Variants in SUN3 observed in about 807,000 individuals in gnomAD.
The protein encoded by SUN3 is SUN domain-containing protein 3.
SUN3 carries 36 observed loss-of-function variants against 48.2 expected under a neutral mutation model. The ratio of observed to expected loss-of-function variants is 0.75; its 90% CI spans 0.57 to 0.99. SUN3 has a LOEUF of 0.99. SUN3 is among the 50% of genes least tolerant of loss of function. SUN3 has a pLI of 0.00. For missense variants in SUN3, 419 were observed against 433.1 expected, an observed-to-expected ratio of 0.97 and a Z score of 0.29; for synonymous variants, 148 against 147.9, an observed-to-expected ratio of 1.00 and a Z score of 0.00.
At chr7:48,030,186 T>C (rs1790236408), upstream of SUN3, among the ~76,000 whole-genome samples, 1 of 152,200 alleles carries the variant, frequency 6.6e-6, no homozygotes, top group Admixed American at 6.5e-5. Flanking sequence ...TGCTTTTTTC[T>C]CTTTTTACTT....
chr7:48,030,393 T>C (rs917986327), upstream of SUN3, among the ~76,000 whole-genome samples: 5 of 152,236 alleles, frequency 3.3e-5, no homozygotes, highest in Admixed American at 3.3e-4. Context: ...GGTTCCCCTC[T>C]CTTTTAGCAT....
chr7:47,996,120 A>G lies in SUN3; in HGVS notation c.604T>C (p.Ser202Pro). The change falls in exon 7 of 10, where the codon TCA (serine) becomes CCA (proline). Residue 202 changes from serine (S) to proline (P), a missense_variant. Transcript: ENST00000297325. ...AGASIIEAGT[S>P]ESYKNNKAKL... ...GCTTTATTATTTTTATAACTTTCTG[A>G]GGTCCCAGCTTCAATGATGGAGGCT... The G allele has an allele frequency of 6.3e-7, 1 of 1,591,754 alleles. No homozygotes were observed.
the SUN3 span, among the ~76,000 whole-genome samples, chr7:48,034,288 T>G: frequency 1.3e-5 from 2 of 152,100 alleles, no homozygotes; most frequent in African/African-American, 2.4e-5. Flanking sequence ...AACCACAGAA[T>G]TAGAGTTAAT....
At chr7:48,019,048 C>A (rs1789894092) in intron 2 of SUN3, among the ~76,000 whole-genome samples, 1 of 152,026 alleles carries the variant, frequency 6.6e-6, no homozygotes, top group South Asian at 2.1e-4. Context: ...GAAGAACTTA[C>A]TAGAAGGGCT....
chr7:48,010,686 A>G (rs1562607810), intron 3 of SUN3, among the ~76,000 whole-genome samples: 1 of 152,164 alleles, frequency 6.6e-6, no homozygotes, highest in Non-Finnish European at 1.5e-5. Flanking sequence ...TCTGCCTTTA[A>G]GGATCACTTT....
intron 8 of SUN3, among the ~76,000 whole-genome samples, chr7:47,993,237 A>C (rs1415095882): frequency 6.6e-6 from 1 of 152,176 alleles, no homozygotes; most frequent in Non-Finnish European, 1.5e-5. Context: ...AAGATAATAC[A>C]GTCTTCTAGC....
chr7:48,020,821 G>A (rs540009852), intron 2 of SUN3, among the ~76,000 whole-genome samples: 1 of 152,196 alleles, frequency 6.6e-6, no homozygotes, highest in Admixed American at 6.5e-5. Flanking sequence ...TCATGAATTA[G>A]AAGATCAATA....
chr7:47,990,359 A>C (rs1311619155), intron 8 of SUN3, among the ~76,000 whole-genome samples: 1 of 147,020 alleles, frequency 6.8e-6, no homozygotes, highest in East Asian at 2.0e-4. Flanking sequence ...CTTATGATGC[A>C]GAGACATTTG....
chr7:48,028,705 T>G, intron 1 of SUN3, 112 bp downstream of exon 1: 1 of 1,400,900 alleles, frequency 7.1e-7, no homozygotes. Context: ...ATTTTCTCTA[T>G]AAAGGGAGAA....
chr7:48,033,984 G>A (rs1173841717), upstream of SUN3, among the ~76,000 whole-genome samples: 2 of 152,178 alleles, frequency 1.3e-5, no homozygotes, highest in Non-Finnish European at 2.9e-5. Flanking sequence ...AACCCAGGAG[G>A]TGGAGGTGGC....
intron 6 of SUN3, among the ~76,000 whole-genome samples, chr7:48,001,690 C>T (rs1293577673): frequency 5.3e-5 from 8 of 152,054 alleles, no homozygotes; most frequent in Admixed American, 1.3e-4. Context: ...CCCGCCACCA[C>T]GCCCAGCTAA....
In SUN3 at chr7:48,025,858, A is replaced by G. The variant is rs1242172686; in HGVS notation, c.184+19T>C. The G allele has an allele frequency of 1.9e-6, 3 of 1,542,138 alleles. No individual in the cohort carries two copies. Among genetic ancestry groups the G allele is most frequent in the Non-Finnish European group, 2.7e-6 (3 of 1,118,590 alleles). Reference sequence around the variant, plus strand: ...AACCTGTGGAATGGTTTTAAGGATCATTACTTAGGAAGACTTACCTACAAG... The same window carrying G: ...AACCTGTGGAATGGTTTTAAGGATCGTTACTTAGGAAGACTTACCTACAAG... On this transcript the variant is annotated intron_variant, in intron 2 of 9. Coordinates refer to ENST00000297325, the MANE Select transcript of SUN3 (RefSeq NM_001030019.2).
chr7:48,002,323 T>C (rs940915080), intron 6 of SUN3, among the ~76,000 whole-genome samples: 1 of 144,262 alleles, frequency 6.9e-6, no homozygotes, highest in Non-Finnish European at 1.5e-5. Context: ...CACGCCCGGC[T>C]AATTTTTTGT....
the SUN3 span, among the ~76,000 whole-genome samples, chr7:48,034,131 A>C: frequency 6.6e-6 from 1 of 152,212 alleles, no homozygotes; most frequent in Admixed American, 6.5e-5. Context: ...GCACAAACAA[A>C]AGCATTTGTC....
chr7:47,987,475 T>C (rs376023565), intron 9 of SUN3, 26 bp from the exon 10 acceptor site: 106 of 1,523,462 alleles, frequency 7.0e-5, no homozygotes, highest in Non-Finnish European at 8.4e-5. Flanking sequence ...AGAAAATCAA[T>C]GCCTTATAAC....
intron 2 of SUN3, among the ~76,000 whole-genome samples, chr7:48,021,617 A>G (rs1789999926): frequency 6.6e-6 from 1 of 152,128 alleles, no homozygotes; most frequent in Admixed American, 6.5e-5. Context: ...CAAAGATTCA[A>G]ATAAACATCT....
At chr7:48,032,145 A>G (rs1212457715), upstream of SUN3, among the ~76,000 whole-genome samples, 2 of 152,210 alleles carry the variant, frequency 1.3e-5, no homozygotes, top group Non-Finnish European at 2.9e-5. Flanking sequence ...CAAAAGGTGC[A>G]GAGCTTCAGT....
chr7:48,025,688 T>A (rs1203657113), intron 2 of SUN3, among the ~76,000 whole-genome samples, 189 bp downstream of exon 2: 1 of 152,172 alleles, frequency 6.6e-6, no homozygotes, highest in Non-Finnish European at 1.5e-5. Flanking sequence ...AATTTTCTAT[T>A]AAAAAGCCAG....
At chr7:47,991,949 G>A (rs1378129159) in intron 8 of SUN3, among the ~76,000 whole-genome samples, 2 of 152,076 alleles carry the variant, frequency 1.3e-5, no homozygotes, top group Non-Finnish European at 2.9e-5. Context: ...CACTGCCGGC[G>A]CCGCCCCAGA....
Sources: gnomAD v4.1 joint callset for allele counts (sites outside exome capture counted in the v4.1 genomes callset) on GRCh38, gnomAD v4.1.1 for gene constraint, MANE v1.5 for transcripts, NCBI Gene and HGNC (gene_info 2026-07-23, HGNC 2026-07-21) for gene names.